The following LYN variants were observed in gnomAD, a reference collection of about 807,000 sequenced individuals.
LYN encodes LYN proto-oncogene, Src family tyrosine kinase.
Under a neutral mutation model 65.0 loss-of-function variants are expected in LYN, and 12 were observed. That is an observed-to-expected ratio of 0.18 (90% CI 0.12 to 0.30). The LOEUF (loss-of-function observed/expected upper bound fraction) is 0.30. Ranked by LOEUF, LYN falls within the 10% of genes least tolerant of loss-of-function variation. The pLI is 1.00. For missense variants in LYN, 380 were observed against 623.2 expected (o/e 0.61, Z 4.16); for synonymous variants, 222 against 221.2 (o/e 1.00, Z -0.03).
chr8:55,976,665 G>A (rs2130543125), intron 10 of LYN, among the ~76,000 whole-genome samples: 1 of 152,304 alleles, frequency 6.6e-6, no homozygotes, highest in Non-Finnish European at 1.5e-5. Context: ...CATGGAGGAG[G>A]ATGGAGCGTA....
intron 6 of LYN, 86 bp downstream of exon 6, chr8:55,950,870 A>G: frequency 2.1e-6 from 2 of 941,546 alleles, no homozygotes; most frequent in Non-Finnish European, 3.4e-6. Flanking sequence ...AGGGGAAAAA[A>G]GGGCATATAG....
chr8:55,885,573 G>A (rs1458888880), intron 1 of LYN, among the ~76,000 whole-genome samples: 1 of 152,202 alleles, frequency 6.6e-6, no homozygotes, highest in Non-Finnish European at 1.5e-5. Context: ...GGAGAGATGG[G>A]TGTGTATTCA....
At chr8:55,898,042 C>T (rs1805167162) in intron 1 of LYN, among the ~76,000 whole-genome samples, 1 of 151,914 alleles carries the variant, frequency 6.6e-6, no homozygotes, top group Non-Finnish European at 1.5e-5. Flanking sequence ...TAAAATTTTG[C>T]TATATAGCTC....
chr8:55,897,411 A>C (rs1225141215), intron 1 of LYN, among the ~76,000 whole-genome samples: 1 of 151,974 alleles, frequency 6.6e-6, no homozygotes, highest in Non-Finnish European at 1.5e-5. Context: ...CGCTGAGCAC[A>C]CCTCTGACTT....
intron 1 of LYN, among the ~76,000 whole-genome samples, chr8:55,890,117 C>CAAAAAAAAAAAAAAAAAAAAAAAAA (rs34706733): frequency 6.3e-5 from 5 of 79,090 alleles, no homozygotes; most frequent in African/African-American, 2.2e-4. Flanking sequence ...CCTCTATAGA[C>CAAAAAAAAAAAAAAAAAAAAAAAAA]AAAAAAAAAA....
chr8:55,986,748 A>AGGAT (rs1162628728), intron 10 of LYN, among the ~76,000 whole-genome samples: 2 of 152,188 alleles, frequency 1.3e-5, no homozygotes, highest in Admixed American at 1.3e-4. Context: ...TTTTAGAGAC[A>AGGAT]GGATCTCTTT....
intron 1 of LYN, among the ~76,000 whole-genome samples, chr8:55,931,165 A>G (rs970711412): frequency 3.4e-5 from 5 of 147,816 alleles, no homozygotes; most frequent in Non-Finnish European, 4.5e-5. Flanking sequence ...TAAATAAAAT[A>G]TATTATATTT....
Position 55,937,109 on chromosome 8 carries a change from C to A in LYN, c.-5-4746C>A, listed in dbSNP as rs183744314. ...GACTTCAGCAATCCAACTCCATAGT[C>A]CTTACTTCAGAATATGTTGTGAATT... is the stretch of plus-strand genomic sequence containing the variant. On this transcript the variant is annotated intron_variant, in intron 1 of 12. Transcript: ENST00000519728. Among the ~76,000 whole-genome samples, 140 of 152,298 alleles carry A rather than the reference C, an allele frequency of 9.2e-4. 1 individual carries two copies. The highest frequency in any genetic ancestry group is 9.0e-3 in the Admixed American group (138 of 15,290).
chr8:56,000,948 G>A (rs1585681664), intron 12 of LYN, among the ~76,000 whole-genome samples: 1 of 152,128 alleles, frequency 6.6e-6, no homozygotes, highest in African/African-American at 2.4e-5. Context: ...AGTGAATATT[G>A]TAGTGGGGAG....
At chr8:55,957,489 C>G (rs2719240) in intron 8 of LYN, among the ~76,000 whole-genome samples, 49,669 of 152,082 alleles carry the variant, frequency 0.33, 8,505 homozygotes, top group African/African-American at 0.44. Flanking sequence ...CATATAAAGT[C>G]ATGGCTTGGA....
At chr8:55,917,286 T>A (rs6995519) in intron 1 of LYN, among the ~76,000 whole-genome samples, 14,640 of 151,916 alleles carry the variant, frequency 0.096, 1,419 homozygotes, top group African/African-American at 0.26. Context: ...CCTAGGCTCA[T>A]GTGATCGTCC....
intron 8 of LYN, among the ~76,000 whole-genome samples, chr8:55,962,163 T>G (rs1563315255): frequency 6.6e-6 from 1 of 152,108 alleles, no homozygotes; most frequent in Non-Finnish European, 1.5e-5. Flanking sequence ...GTAAGATACA[T>G]GTGGCTTTTG....
chr8:56,004,869 T>G (rs1808631296), intron 12 of LYN, among the ~76,000 whole-genome samples: 1 of 151,982 alleles, frequency 6.6e-6, no homozygotes. Flanking sequence ...ACTGTAGCCT[T>G]TAATTCCTGG....
At chr8:55,959,280 A>C (rs904575087) in intron 8 of LYN, among the ~76,000 whole-genome samples, 1 of 152,134 alleles carries the variant, frequency 6.6e-6, no homozygotes, top group African/African-American at 2.4e-5. Flanking sequence ...GGTCATTTCT[A>C]CATCTTCTTT....
intron 8 of LYN, among the ~76,000 whole-genome samples, chr8:55,960,767 AC>A (rs1173291075): frequency 6.6e-6 from 1 of 152,174 alleles, no homozygotes; most frequent in Non-Finnish European, 1.5e-5. Context: ...TTCATGGACA[AC>A]CCATTTCATT....
At chr8:55,908,999 A>ATGTATATATATATATATATTATGTG (rs1293013573) in intron 1 of LYN, among the ~76,000 whole-genome samples, 1 of 16,212 alleles carries the variant, frequency 6.2e-5, no homozygotes, top group African/African-American at 3.4e-4. Flanking sequence ...GTATATATAT[A>ATGTATATATATATATATATTATGTG]TATATATATA....
intron 1 of LYN, among the ~76,000 whole-genome samples, chr8:55,922,045 G>A (rs1036090729): frequency 6.6e-6 from 1 of 152,106 alleles, no homozygotes; most frequent in Admixed American, 6.5e-5. Flanking sequence ...GGAAGCATAA[G>A]GAAAGGAGTG....
chr8:55,895,530 CT>C, intron 1 of LYN: 1 of 152,082 alleles, frequency 6.6e-6, no homozygotes, highest in African/African-American at 2.4e-5. Context: ...TGGCTCACAC[CT>C]GTAGTCACAG....
intron 1 of LYN, among the ~76,000 whole-genome samples, chr8:55,927,960 G>C (rs760282052): frequency 6.6e-6 from 1 of 152,178 alleles, no homozygotes; most frequent in South Asian, 2.1e-4. Context: ...ATATGGTAAG[G>C]GTATTGTTTA....
Sources: gnomAD v4.1 joint callset for allele counts (sites outside exome capture counted in the v4.1 genomes callset) on GRCh38, gnomAD v4.1.1 for gene constraint, MANE v1.5 for transcripts, NCBI Gene and HGNC (gene_info 2026-07-23, HGNC 2026-07-21) for gene names.